Variants in RNF128 observed in about 807,000 individuals in gnomAD.
The protein encoded by RNF128 is ring finger protein 128, also known as E3 ubiquitin-protein ligase RNF128.
In RNF128, 13 loss-of-function variants were observed where a neutral mutation model predicts 26.2. The observed-to-expected ratio is 0.50, with a 90% CI of 0.32 to 0.79. The LOEUF (loss-of-function observed/expected upper bound fraction) is 0.79. RNF128 is among the 30% of genes least tolerant of loss of function. The pLI is 0.03. For missense variants in RNF128, 315 were observed against 349.7 expected, an observed-to-expected ratio of 0.90 and a Z score of 0.79; for synonymous variants, 149 against 142.5, an observed-to-expected ratio of 1.05 and a Z score of -0.32.
At chrX:106,761,098 C>A (rs747688195) in intron 1 of RNF128, among the ~76,000 whole-genome samples, 160 of 111,594 alleles carry the variant, frequency 1.4e-3, no homozygotes, top group African/African-American at 5.1e-3. Context: ...CCATTAAAAA[C>A]TGGACAAAGA....
At chrX:106,788,852 T>A (rs1476176221) in intron 4 of RNF128, among the ~76,000 whole-genome samples, 1 of 71,259 alleles carries the variant, frequency 1.4e-5, no homozygotes, top group Non-Finnish European at 2.4e-5. Flanking sequence ...TAATATGTAT[T>A]ATATATTATA....
chrX:106,795,359 C>T (rs768926948), intron 6 of RNF128, among the ~76,000 whole-genome samples: 1 of 110,818 alleles, frequency 9.0e-6, no homozygotes, highest in South Asian at 3.7e-4. Context: ...AGCACATGTA[C>T]GTGAATCAAA....
At position 106,727,249 on chromosome X, in the gene RNF128, G is replaced by A. The variant is rs764878701; in HGVS notation, c.336G>A (p.Val112=). 23 of 1,210,143 alleles carry A rather than the reference G, an allele frequency of 1.9e-5. No individual in the cohort carries two copies. The African/African-American group carries it at 3.1e-4, about 17-fold the overall frequency. The part of the protein sequence containing the change: ...FTVPTVWGST[V]QVSWLALIQR... ...TGCCCACGGTTTGGGGAAGCACCGT[G>A]CAAGTCTCTTGGTTGGCCCTCATCC... The change falls in exon 1 of 7, where the codon GTG becomes GTA. Residue 112 remains valine, a synonymous_variant. Coordinates refer to ENST00000255499, the MANE Select transcript of RNF128 (RefSeq NM_194463.2).
intron 2 of RNF128, among the ~76,000 whole-genome samples, chrX:106,776,174 C>T (rs1442241590): frequency 1.8e-5 from 2 of 112,290 alleles, no homozygotes; most frequent in Admixed American, 9.4e-5. Flanking sequence ...AATTAAACTA[C>T]ATTCAGGAGT....
chrX:106,785,015 C>G (rs1930630620), intron 2 of RNF128, 50 bp from the exon 3 acceptor site: 13 of 906,973 alleles, frequency 1.4e-5, no homozygotes, highest in Non-Finnish European at 2.0e-5. Context: ...TTTCATCATA[C>G]TTCTTTTAAA....
At chrX:106,778,050 T>C (rs1432994493) in intron 2 of RNF128, among the ~76,000 whole-genome samples, 1 of 111,903 alleles carries the variant, frequency 8.9e-6, no homozygotes, top group Non-Finnish European at 1.9e-5. Flanking sequence ...AAACACAGTA[T>C]ATAATTTATA....
intron 1 of RNF128, among the ~76,000 whole-genome samples, chrX:106,769,342 C>G (rs886251643): frequency 1.3e-4 from 14 of 110,234 alleles, no homozygotes; most frequent in Admixed American, 9.7e-5. Context: ...TTATTGTGTG[C>G]GTGTCTAAGT....
At chrX:106,704,591 T>A (rs191548300) in intron 1 of RNF128, among the ~76,000 whole-genome samples, 12,431 of 109,838 alleles carry the variant, frequency 0.11, 1,718 homozygotes, top group African/African-American at 0.39. Context: ...ATAAGACGGG[T>A]TTTGGTTGAG....
At position 106,753,666 on chromosome X, in the gene RNF128, T is replaced by C. The variant is rs1354894818; in HGVS notation, c.485-19247T>C. Among the ~76,000 whole-genome samples the C allele has an allele frequency of 1.9e-4, 21 of 111,644 alleles. No homozygotes were observed. The Admixed American group carries it at 2.0e-3, about 11-fold the overall frequency. Reference sequence around the variant, plus strand: ...TTTCAATCAAAAAACATAGAATGGCTGAATGCATTAAAAAGCCCCAACTAG... The same window carrying C: ...TTTCAATCAAAAAACATAGAATGGCCGAATGCATTAAAAAGCCCCAACTAG... On this transcript the variant is annotated intron_variant, in intron 1 of 6. Transcript: ENST00000255499.
At chrX:106,761,599 TA>T (rs60855137) in intron 1 of RNF128, among the ~76,000 whole-genome samples, 14,954 of 110,233 alleles carry the variant, frequency 0.14, 2,583 homozygotes, top group African/African-American at 0.47. Context: ...TATACAGCCA[TA>T]AAAAAAGAAT....
chrX:106,755,695 A>G (rs1464526501), intron 1 of RNF128, among the ~76,000 whole-genome samples: 2 of 111,874 alleles, frequency 1.8e-5, no homozygotes, highest in Non-Finnish European at 3.8e-5. Context: ...ATCATTTGAT[A>G]AAGTTCAACA....
chrX:106,722,395 G>A (rs1179776929), upstream of RNF128, among the ~76,000 whole-genome samples: 1 of 111,264 alleles, frequency 9.0e-6, no homozygotes, highest in Non-Finnish European at 1.9e-5. Context: ...AAGTCAGTTG[G>A]TCTGGGTGGA....
rs1010142284 is a variant in RNF128, at chrX:106,795,883, A to T, written c.*170A>T. 1 of 329,418 alleles carries T rather than the reference A, an allele frequency of 3.0e-6. No homozygotes were observed. The highest frequency in any genetic ancestry group is 2.7e-5 in the African/African-American group (1 of 36,683). The allele number at this position is 329,418 out of a possible 1,213,427, so 27.1% of individuals were successfully genotyped here. ...ATGGCTTAAAATATTTAACCTGTTA[A>T]CTTTTTTCCACAAACTCATTATAAT... is the stretch of plus-strand genomic sequence containing the variant. On this transcript the variant is annotated 3_prime_UTR_variant, in exon 7 of 7. Transcript: ENST00000255499.
chrX:106,727,014 C>A lies in RNF128; in HGVS notation c.101C>A (p.Pro34His). The change falls in exon 1 of 7, where the codon CCC becomes CAC. Residue 34 changes from proline (P) to histidine (H), a missense_variant. Coordinates refer to ENST00000255499, the MANE Select transcript of RNF128 (RefSeq NM_194463.2). Reference sequence around the variant, plus strand: ...CTGCTGGCCCTGAGTCCGCAGGCACCCGGTTCCCGGGGGGCTGAAGCAGTG... The same window carrying A: ...CTGCTGGCCCTGAGTCCGCAGGCACACGGTTCCCGGGGGGCTGAAGCAGTG... ...CFLLALSPQA[P>H]GSRGAEAVWT... The A allele has an allele frequency of 8.3e-7, 1 of 1,205,597 alleles. No individual in the cohort carries two copies. Among genetic ancestry groups the A allele is most frequent in the Non-Finnish European group, 1.1e-6 (1 of 893,066 alleles).
At chrX:106,749,261 A>C (rs773869434) in intron 1 of RNF128, among the ~76,000 whole-genome samples, 6 of 112,440 alleles carry the variant, frequency 5.3e-5, no homozygotes, top group Admixed American at 3.8e-4. Flanking sequence ...TAAATGGCTA[A>C]CTTTACATCT....
intron 1 of RNF128, among the ~76,000 whole-genome samples, chrX:106,765,554 C>T (rs773478312): frequency 9.0e-6 from 1 of 111,507 alleles, no homozygotes; most frequent in East Asian, 2.8e-4. Context: ...AAAAGGGGCA[C>T]TCTCTGGCAA....
rs746324606 is a variant in RNF128 at position 106,770,150 on chromosome X, C to T, written c.485-2763C>T. On this transcript the variant is annotated intron_variant, in intron 1 of 6. Transcript: ENST00000255499. ...GATGGGCTTCCCTTTGTGGGTAACC[C>T]GACCTTTCTCTCTGGCTGCCCTTAA... Among the ~76,000 whole-genome samples, 16 of 111,691 alleles carry T rather than the reference C, an allele frequency of 1.4e-4. No individual in the cohort carries two copies. In the South Asian group the frequency reaches 5.3e-3, roughly 37 times the overall value.
chrX:106,710,383 T>G (rs747291820), intron 1 of RNF128, among the ~76,000 whole-genome samples: 1 of 112,324 alleles, frequency 8.9e-6, no homozygotes, highest in South Asian at 3.6e-4. Flanking sequence ...GAACTACAGT[T>G]TATTGAGGAT....
rs180807164 is a variant in RNF128 at position 106,715,641 on chromosome X, G to A, written c.406+21233G>A. 2.2e-3 allele frequency among the ~76,000 whole-genome samples: 241 copies of A among 111,842 alleles called. 1 individual carries two copies. The highest frequency in any genetic ancestry group is 2.0e-3 in the Non-Finnish European group (105 of 53,134). Reference sequence around the variant, plus strand: ...TAGACAGAATTGAGAGAATACAACTGGAGATAAAAGAGAGCTTTTAGCAGG... The same window carrying A: ...TAGACAGAATTGAGAGAATACAACTAGAGATAAAAGAGAGCTTTTAGCAGG... On this transcript the variant is annotated intron_variant, in intron 1 of 6. Coordinates refer to the RNF128 transcript ENST00000324342.
Sources: gnomAD v4.1 joint callset for allele counts (sites outside exome capture counted in the v4.1 genomes callset) on GRCh38, gnomAD v4.1.1 for gene constraint, MANE v1.5 for transcripts, NCBI Gene and HGNC (gene_info 2026-07-23, HGNC 2026-07-21) for gene names.